The following ST18 variants were observed in gnomAD, a reference collection of about 807,000 sequenced individuals.
ST18 encodes the protein ST18 C2H2C-type zinc finger transcription factor, also known as suppression of tumorigenicity 18 protein.
In ST18, 50 loss-of-function variants were observed where a neutral mutation model predicts 110.0. The ratio of observed to expected loss-of-function variants is 0.45; its 90% CI spans 0.36 to 0.58. ST18 has a LOEUF of 0.58. Among genes scored for constraint, ST18 ranks in the 20% least tolerant of loss-of-function variants. The pLI is 0.00. For synonymous variants in ST18, 461 were observed against 452.4 expected (o/e 1.02, Z -0.24); for missense variants, 1,306 against 1,280.1 (o/e 1.02, Z -0.31).
In ST18 at chr8:52,276,161, A is replaced by ACATACCACATACACACCACACAGG; in HGVS notation, c.-464-46085_-464-46084insCCTGTGTGGTGTGTATGTGGTATG. ...ACACCACATGCACACCACGCACCAC[A>ACATACCACATACACACCACACAGG]CATACCATATACCATACATCACACA... is the stretch of plus-strand genomic sequence containing the variant. On this transcript the variant is annotated intron_variant, in intron 2 of 25. Transcript: ENST00000689386. Among the ~76,000 whole-genome samples the ACATACCACATACACACCACACAGG allele has an allele frequency of 7.8e-5, 4 of 51,040 alleles. 1 individual carries two copies. The highest frequency in any genetic ancestry group is 1.2e-4 in the Non-Finnish European group (3 of 24,388). The allele number at this position is 51,040 out of a possible 152,430, so 33.5% of individuals were successfully genotyped here. A position where few individuals can be genotyped will look rare whatever the true frequency, so the allele number is the denominator to read the frequency against.
chr8:52,316,034 T>C (rs2139812792), intron 2 of ST18, among the ~76,000 whole-genome samples: 1 of 152,314 alleles, frequency 6.6e-6, no homozygotes, highest in South Asian at 2.1e-4. Context: ...AAAATTACTG[T>C]GGTGTTTTGT....
At chr8:52,296,741 T>C (rs1276034553) in intron 2 of ST18, among the ~76,000 whole-genome samples, 2 of 152,172 alleles carry the variant, frequency 1.3e-5, no homozygotes, top group African/African-American at 4.8e-5. Flanking sequence ...TATTTCCTTT[T>C]AAAATAATTA....
intron 2 of ST18, among the ~76,000 whole-genome samples, chr8:52,252,834 TG>T (rs1201542447): frequency 6.6e-6 from 1 of 151,896 alleles, no homozygotes; most frequent in African/African-American, 2.4e-5. Flanking sequence ...AAGAGAACAC[TG>T]GTAATCTTGG....
At chr8:52,242,642 C>T (rs2093527637) in intron 2 of ST18, among the ~76,000 whole-genome samples, 2 of 152,226 alleles carry the variant, frequency 1.3e-5, no homozygotes, top group Admixed American at 6.5e-5. Context: ...AGTTCAAGAC[C>T]AGCCTGCCTG....
At chr8:52,138,093 CA>C (rs35928892) in intron 17 of ST18, among the ~76,000 whole-genome samples, 7,488 of 59,500 alleles carry the variant, frequency 0.13, 286 homozygotes, top group African/African-American at 0.21. Flanking sequence ...AACTCTGTCT[CA>C]AAAAAAAAAA....
At chr8:52,308,589 A>AT (rs1253276653) in intron 2 of ST18, among the ~76,000 whole-genome samples, 1 of 152,202 alleles carries the variant, frequency 6.6e-6, no homozygotes, top group Non-Finnish European at 1.5e-5. Flanking sequence ...ACTAAGAAAT[A>AT]TTTCCCAGAA....
At chr8:52,189,044 C>T (rs1393612806) in intron 8 of ST18, among the ~76,000 whole-genome samples, 1 of 152,118 alleles carries the variant, frequency 6.6e-6, no homozygotes, top group Non-Finnish European at 1.5e-5. Context: ...CCTAAGAGTG[C>T]CCTGGATCCT....
intron 9 of ST18, among the ~76,000 whole-genome samples, chr8:52,177,810 T>A (rs1027905431): frequency 1.3e-5 from 2 of 152,210 alleles, no homozygotes; most frequent in African/African-American, 4.8e-5. Flanking sequence ...CAGCGTCAAA[T>A]CTCTTTGGTC....
chr8:52,132,985 A>G (rs996155449), intron 21 of ST18, 72 bp downstream of exon 21: 2 of 1,536,036 alleles, frequency 1.3e-6, no homozygotes, highest in Non-Finnish European at 1.8e-6. Context: ...GTTCAATTGC[A>G]TCCCAACCAA....
Position 52,203,957 on chromosome 8 carries a change from G to A in ST18, c.86+8122C>T, listed in dbSNP as rs2135596326. Among the ~76,000 whole-genome samples the A allele has an allele frequency of 1.3e-5, 2 of 152,302 alleles. 1 individual carries two copies. The highest frequency in any genetic ancestry group is 6.8e-3 in the Middle Eastern group (2 of 294). ...AGAGACATGTAATTAAATACTCTCA[G>A]AACACAATTTAGGTGGTTATAGAGT... On this transcript the variant is annotated intron_variant, in intron 8 of 25. Transcript: ENST00000689386.
chr8:52,179,183 A>G (rs2068313013), intron 9 of ST18, among the ~76,000 whole-genome samples: 1 of 152,102 alleles, frequency 6.6e-6, no homozygotes, highest in Admixed American at 6.5e-5. Flanking sequence ...GTTTTCTATA[A>G]TTTTTGAGAG....
chr8:52,178,953 C>A (rs1587853360), intron 9 of ST18, among the ~76,000 whole-genome samples: 1 of 152,128 alleles, frequency 6.6e-6, no homozygotes, highest in Non-Finnish European at 1.5e-5. Flanking sequence ...GCCCTTAAAT[C>A]TTTTCTATTA....
chr8:52,356,412 A>G (rs1822773179), intron 2 of ST18, among the ~76,000 whole-genome samples: 1 of 152,224 alleles, frequency 6.6e-6, no homozygotes, highest in South Asian at 2.1e-4. Flanking sequence ...ACACAAAGTC[A>G]GACTTTATAA....
intron 2 of ST18, among the ~76,000 whole-genome samples, chr8:52,279,389 A>T: frequency 6.6e-6 from 1 of 152,198 alleles, no homozygotes; most frequent in East Asian, 1.9e-4. Context: ...ATGGAGATTA[A>T]AATATTAAAG....
intron 2 of ST18, among the ~76,000 whole-genome samples, chr8:52,386,234 A>G (rs1836709951): frequency 6.6e-6 from 1 of 152,218 alleles, no homozygotes; most frequent in Admixed American, 6.5e-5. Flanking sequence ...AATTTATATT[A>G]TACAATTTTA....
rs575822639 is a variant in ST18, at chr8:52,395,459, C to T, written c.-465+13869G>A. 2.0e-5 allele frequency among the ~76,000 whole-genome samples: 3 copies of T among 152,206 alleles called. No homozygotes were observed. In the South Asian group the frequency reaches 6.2e-4, roughly 32 times the overall value. ...TAGCATTTCCGTCAGGAAGTGAGGG[C>T]CTAAGGGAACCACGAAGATATCTAG... On this transcript the variant is annotated intron_variant, in intron 2 of 25. Coordinates refer to ENST00000689386, the MANE Select transcript of ST18 (RefSeq NM_001352837.2).
At chr8:52,113,585 A>G (rs1012689742) in intron 25 of ST18, among the ~76,000 whole-genome samples, 9 of 152,158 alleles carry the variant, frequency 5.9e-5, no homozygotes, top group Non-Finnish European at 1.2e-4. Context: ...CACATAAAGT[A>G]TATGTCTGGC....
At chr8:52,252,249 T>C (rs556196204) in intron 2 of ST18, among the ~76,000 whole-genome samples, 10 of 152,180 alleles carry the variant, frequency 6.6e-5, no homozygotes, top group African/African-American at 2.2e-4. Context: ...GCAAGTAAGA[T>C]TGTTAATTAT....
intron 15 of ST18, among the ~76,000 whole-genome samples, chr8:52,155,992 G>A (rs2059923364): frequency 6.6e-6 from 1 of 152,110 alleles, no homozygotes; most frequent in African/African-American, 2.4e-5. Context: ...ATTGTGTAAA[G>A]GAAAGAACTG....
Sources: allele counts gnomAD v4.1 joint callset (sites outside exome capture counted in the v4.1 genomes callset), GRCh38; gene constraint gnomAD v4.1.1; transcripts MANE v1.5; gene names NCBI Gene and HGNC (gene_info 2026-07-23, HGNC 2026-07-21).